Variants in CSGALNACT2 observed in about 807,000 individuals in gnomAD.
CSGALNACT2 encodes beta 4 GalNAcT-2.
A neutral mutation model predicts 55.3 loss-of-function variants in CSGALNACT2; 35 were observed. The ratio of observed to expected loss-of-function variants is 0.63; its 90% CI spans 0.48 to 0.84. The LOEUF (loss-of-function observed/expected upper bound fraction) is 0.84. Among genes scored for constraint, CSGALNACT2 ranks in the 40% least tolerant of loss-of-function variants. The pLI is 0.00. For missense variants in CSGALNACT2, 544 were observed against 657.5 expected (o/e 0.83, Z 1.89); for synonymous variants, 196 against 224.9 (o/e 0.87, Z 1.15).
chr10:43,148,112 A>G (rs1198877522), intron 1 of CSGALNACT2, among the ~76,000 whole-genome samples: 1 of 152,132 alleles, frequency 6.6e-6, no homozygotes. Flanking sequence ...TTTGCCTGTA[A>G]ATATCCAGTT....
chr10:43,154,034 G>A (rs1348922390), intron 1 of CSGALNACT2, among the ~76,000 whole-genome samples: 2 of 152,186 alleles, frequency 1.3e-5, no homozygotes, highest in East Asian at 1.9e-4. Flanking sequence ...GTGTTTTTCA[G>A]ATGTCTGTGA....
chr10:43,178,372 C>G (rs767975889), intron 7 of CSGALNACT2, among the ~76,000 whole-genome samples: 14 of 152,160 alleles, frequency 9.2e-5, no homozygotes, highest in Non-Finnish European at 1.9e-4. Flanking sequence ...CCTGTAATCC[C>G]AGCACTTTGG....
chr10:43,150,966 T>C (rs1838862729), intron 1 of CSGALNACT2, among the ~76,000 whole-genome samples: 3 of 152,232 alleles, frequency 2.0e-5, no homozygotes, highest in Admixed American at 2.0e-4. Context: ...TCTTCTAAAA[T>C]ATCTAATCTG....
Position 43,167,005 on chromosome 10 carries a change from TAAG to T in CSGALNACT2, c.1165_1167del (p.Lys389del), listed in dbSNP as rs776339567. The T allele has an allele frequency of 1.3e-6, 2 of 1,593,600 alleles. No homozygotes were observed. Among genetic ancestry groups the T allele is most frequent in the South Asian group, 1.1e-5 (1 of 89,720 alleles). ...ACAAACCTATATTTTAATTTGTAGG[TAAG>T]AAGGTGTTTTACCCTGTGGTGTTCA... On this transcript the variant is annotated inframe_deletion and splice_region_variant, in exon 6 of 8. Transcript: ENST00000374466.
At chr10:43,171,200 G>C (rs1792436696) in intron 6 of CSGALNACT2, among the ~76,000 whole-genome samples, 1 of 151,778 alleles carries the variant, frequency 6.6e-6, no homozygotes, top group Admixed American at 6.6e-5. Context: ...CTGGATGAGG[G>C]GTATACAGGA....
In CSGALNACT2 at chr10:43,167,047, T is replaced by C. The variant is rs1393046209; in HGVS notation, c.1203T>C (p.Pro401=). Residue 401 remains proline, a synonymous_variant, in exon 6 of 8, where the codon CCT becomes CCC. Coordinates refer to ENST00000374466, the MANE Select transcript of CSGALNACT2 (RefSeq NM_018590.5). ...CTGTGGTGTTCAGTCTTTACAATCCTGCCATTGTTTATGCCAACCAGGAAG... is the reference window on the plus strand; with the variant it reads ...CTGTGGTGTTCAGTCTTTACAATCCCGCCATTGTTTATGCCAACCAGGAAG... The part of the protein sequence containing the change: ...FYPVVFSLYN[P]AIVYANQEVP... 1 of 1,613,276 alleles carries C rather than the reference T, an allele frequency of 6.2e-7. No individual in the cohort carries two copies. Among genetic ancestry groups the C allele is most frequent in the Non-Finnish European group, 8.5e-7 (1 of 1,179,268 alleles).
chr10:43,175,234 C>A (rs1365741212), intron 6 of CSGALNACT2, among the ~76,000 whole-genome samples: 1 of 152,232 alleles, frequency 6.6e-6, no homozygotes, highest in Admixed American at 6.5e-5. Flanking sequence ...AACAGATCAA[C>A]ACAACTACGT....
At chr10:43,144,975 CAG>C (rs1426310402) in intron 1 of CSGALNACT2, among the ~76,000 whole-genome samples, 2 of 152,138 alleles carry the variant, frequency 1.3e-5, no homozygotes, top group African/African-American at 4.8e-5. Flanking sequence ...AAGCATGTGT[CAG>C]AGTTTATTCC....
intron 2 of CSGALNACT2, among the ~76,000 whole-genome samples, chr10:43,157,242 C>T (rs1839033094): frequency 6.6e-6 from 1 of 152,196 alleles, no homozygotes; most frequent in African/African-American, 2.4e-5. Context: ...GTCCTCACAT[C>T]AGCTCTACCT....
rs1839672302 is a variant in CSGALNACT2 at position 43,185,276 on chromosome 10, T to A, written c.*1734T>A. 1 of 152,232 alleles carries A rather than the reference T, an allele frequency of 6.6e-6. No individual in the cohort carries two copies. The highest frequency in any genetic ancestry group is 6.5e-5 in the Admixed American group (1 of 15,284). The allele number at this position is 152,232 out of a possible 1,614,324, so 9.4% of individuals were successfully genotyped here. On this transcript the variant is annotated 3_prime_UTR_variant, in exon 8 of 8. Coordinates refer to ENST00000374466, the MANE Select transcript of CSGALNACT2 (RefSeq NM_018590.5). The stretch of plus-strand genomic sequence containing the variant: ...TTTGACATTTATTAAATGGTACCAA[T>A]AAAGTATTTTATTACCAAAAGTTAA...
At chr10:43,173,812 G>A (rs1839427630) in intron 6 of CSGALNACT2, among the ~76,000 whole-genome samples, 1 of 152,096 alleles carries the variant, frequency 6.6e-6, no homozygotes, top group South Asian at 2.1e-4. Flanking sequence ...GGCCAACATG[G>A]TGAAACCCTG....
Position 43,155,002 on chromosome 10 carries a change from T to C in CSGALNACT2, c.-148T>C, listed in dbSNP as rs866727800. 9.2e-6 allele frequency: 6 copies of C among 653,156 alleles called. No homozygotes were observed. The South Asian group carries it at 1.0e-4, about 11-fold the overall frequency. 40.5% of individuals were successfully genotyped at this position (653,156 alleles called of 1,614,324 possible). A position where few individuals can be genotyped will look rare whatever the true frequency, so the allele number is the denominator to read the frequency against. The stretch of plus-strand genomic sequence containing the variant: ...CATAATTTCCCATTTCTGCAAGTAG[T>C]CATGACTGCTGAAGAAAGAAAAACT... On this transcript the variant is annotated 5_prime_UTR_variant, in exon 2 of 8. Transcript: ENST00000374466.
chr10:43,147,688 A>G (rs1179912130), intron 1 of CSGALNACT2, among the ~76,000 whole-genome samples: 3 of 151,690 alleles, frequency 2.0e-5, no homozygotes, highest in Non-Finnish European at 2.9e-5. Context: ...CTTTTTGGCT[A>G]ATGGTGTTGA....
chr10:43,160,762 A>G (rs1839129541), intron 4 of CSGALNACT2, among the ~76,000 whole-genome samples, 167 bp downstream of exon 4: 1 of 152,002 alleles, frequency 6.6e-6, no homozygotes, highest in Admixed American at 6.6e-5. Flanking sequence ...GCAACCCTAC[A>G]TGACTCAACT....
Position 43,155,263 on chromosome 10 carries a change from T to G in CSGALNACT2, c.114T>G (p.Thr38=), listed in dbSNP as rs944230917. 2.5e-5 allele frequency: 40 copies of G among 1,614,046 alleles called. No individual in the cohort carries two copies. Among genetic ancestry groups the G allele is most frequent in the Non-Finnish European group, 3.1e-5 (37 of 1,180,032 alleles). Residue 38 remains threonine, a synonymous_variant, in exon 2 of 8, where the codon ACT becomes ACG. Coordinates refer to ENST00000374466, the MANE Select transcript of CSGALNACT2 (RefSeq NM_018590.5). ...FMYLLECAPQ[T]DGNASLPGVV... ...ACCTCCTGGAATGTGCCCCCCAGAC[T>G]GATGGAAATGCATCTCTTCCTGGTG... is the stretch of plus-strand genomic sequence containing the variant.
chr10:43,167,367 G>T (rs921918964), intron 6 of CSGALNACT2, among the ~76,000 whole-genome samples: 1,780 of 152,148 alleles, frequency 0.012, 37 homozygotes, highest in African/African-American at 0.04. Context: ...TGTGGAAATT[G>T]TACAGTCATT....
Position 43,184,406 on chromosome 10 carries a change from C to T in CSGALNACT2, c.*864C>T, listed in dbSNP as rs2133164780. On this transcript the variant is annotated 3_prime_UTR_variant, in exon 8 of 8. Coordinates refer to ENST00000374466, the MANE Select transcript of CSGALNACT2 (RefSeq NM_018590.5). ...GGTGGTTCAGAATAGATGAGCATAGCATGGTTTTGTTTGTTTTTGCTTTCA... is the reference window on the plus strand; with the variant it reads ...GGTGGTTCAGAATAGATGAGCATAGTATGGTTTTGTTTGTTTTTGCTTTCA... The T allele has an allele frequency of 6.6e-6, 1 of 152,256 alleles. No homozygotes were observed. The highest frequency in any genetic ancestry group is 2.1e-4 in the South Asian group (1 of 4,828). The allele number at this position is 152,256 out of a possible 1,614,324, so 9.4% of individuals were successfully genotyped here.
At chr10:43,145,705 C>A (rs963937890) in intron 1 of CSGALNACT2, among the ~76,000 whole-genome samples, 2 of 152,102 alleles carry the variant, frequency 1.3e-5, no homozygotes, top group South Asian at 4.1e-4. Context: ...CCATGCCCAG[C>A]CTGATTTTTC....
chr10:43,162,742 G>C (rs2133127046), intron 4 of CSGALNACT2: 2 of 960,596 alleles, frequency 2.1e-6, no homozygotes, highest in Non-Finnish European at 1.2e-6. Flanking sequence ...AGGAGGACTT[G>C]TGAAAATGTA....
Sources: gnomAD v4.1 joint callset for allele counts (sites outside exome capture counted in the v4.1 genomes callset) on GRCh38, gnomAD v4.1.1 for gene constraint, MANE v1.5 for transcripts, NCBI Gene and HGNC (gene_info 2026-07-23, HGNC 2026-07-21) for gene names.